Variants in PECAM1 observed in about 807,000 individuals in gnomAD.
PECAM1 encodes platelet and endothelial cell adhesion molecule 1.
A neutral mutation model predicts 13.8 loss-of-function variants in PECAM1; 8 were observed. That is an observed-to-expected ratio of 0.58 (90% confidence interval 0.34 to 1.05). PECAM1 has a LOEUF of 1.05. Ranked by LOEUF, PECAM1 falls within the 50% of genes least tolerant of loss-of-function variation. PECAM1 has a pLI of 0.03. For synonymous variants in PECAM1, 136 were observed against 52.6 expected (o/e 2.58, Z -6.86); for missense variants, 304 against 141.2 (o/e 2.15, Z -5.84).
At chr17:64,389,831 T>C (rs2036677571) in intron 2 of PECAM1, among the ~76,000 whole-genome samples, 1 of 152,150 alleles carries the variant, frequency 6.6e-6, no homozygotes, top group Non-Finnish European at 1.5e-5. Flanking sequence ...GCGGATCACC[T>C]GAGGTCAGGA....
chr17:64,333,676 A>C (rs1206308582), intron 14 of PECAM1, among the ~76,000 whole-genome samples: 6 of 147,852 alleles, frequency 4.1e-5, no homozygotes, highest in African/African-American at 1.2e-4. Context: ...TGTAAAAAGT[A>C]AAAAAAAAAG....
chr17:64,348,873 A>G (rs1341747592), intron 12 of PECAM1, among the ~76,000 whole-genome samples: 2 of 152,206 alleles, frequency 1.3e-5, no homozygotes, highest in Non-Finnish European at 2.9e-5. Flanking sequence ...CTCGGGGCCC[A>G]TGGTTTCCTC....
intron 14 of PECAM1, among the ~76,000 whole-genome samples, chr17:64,334,233 C>T (rs1298753977): frequency 6.6e-6 from 1 of 152,088 alleles, no homozygotes; most frequent in Non-Finnish European, 1.5e-5. Flanking sequence ...CCCGGGCCAG[C>T]GCCCAGCTCT....
At chr17:64,358,365 C>T (rs1007909876) in intron 7 of PECAM1, among the ~76,000 whole-genome samples, 1,556 of 152,176 alleles carry the variant, frequency 0.01, 42 homozygotes, top group African/African-American at 0.035. Context: ...GTGATCCACC[C>T]CATTCGGTCT....
intron 7 of PECAM1, among the ~76,000 whole-genome samples, chr17:64,359,373 T>C (rs985311334): frequency 2.8e-4 from 43 of 152,086 alleles, no homozygotes; most frequent in African/African-American, 1.0e-3. Context: ...ATATTTCTCT[T>C]GAGTATGATG....
chr17:64,321,654 A>T lies in PECAM1; in HGVS notation c.*2162T>A. 1.8e-6 allele frequency: 1 copy of T among 553,388 alleles called. No individual in the cohort carries two copies. 34.3% of individuals were successfully genotyped at this position (553,388 alleles called of 1,614,324 possible). On this transcript the variant is annotated 3_prime_UTR_variant, in exon 16 of 16. Coordinates refer to ENST00000563924, the MANE Select transcript of PECAM1 (RefSeq NM_000442.5). ...CTCACGCCTCTGGTCCCAGCTACCC[A>T]GGAAGCTGAGATGGGAGGATCGCTT...
chr17:64,374,511 T>C (rs1428485670), intron 4 of PECAM1, among the ~76,000 whole-genome samples: 13 of 141,858 alleles, frequency 9.2e-5, no homozygotes, highest in Non-Finnish European at 4.6e-5. Context: ...AAGGTTGGGG[T>C]GGTGGCTCAC....
At chr17:64,350,485 T>G (rs2143772213) in intron 11 of PECAM1, 52 bp from the exon 12 acceptor site, 1 of 412,936 alleles carries the variant, frequency 2.4e-6, no homozygotes, top group South Asian at 1.3e-4. Flanking sequence ...TCTAGTTTTC[T>G]AAAACCTTTT....
chr17:64,326,110 C>T (rs1215501289), intron 15 of PECAM1, among the ~76,000 whole-genome samples: 1 of 152,064 alleles, frequency 6.6e-6, no homozygotes, highest in East Asian at 1.9e-4. Flanking sequence ...TGGAAGGAGC[C>T]CTTGGAGGGA....
At chr17:64,327,438 C>G (rs2034987574) in intron 15 of PECAM1, among the ~76,000 whole-genome samples, 1 of 152,246 alleles carries the variant, frequency 6.6e-6, no homozygotes, top group Admixed American at 6.5e-5. Flanking sequence ...CAAAAGACAG[C>G]TGGAAAGCTG....
intron 2 of PECAM1, among the ~76,000 whole-genome samples, chr17:64,383,640 C>G (rs1266361161): frequency 6.6e-6 from 1 of 152,338 alleles, no homozygotes; most frequent in East Asian, 1.9e-4. Context: ...TCAGCACAAC[C>G]CTTGCGTGAG....
chr17:64,380,759 C>T (rs2036464449), intron 2 of PECAM1, among the ~76,000 whole-genome samples: 1 of 151,922 alleles, frequency 6.6e-6, no homozygotes, highest in African/African-American at 2.4e-5. Context: ...ACCTGTAATC[C>T]CAGCACTGTG....
intron 2 of PECAM1, among the ~76,000 whole-genome samples, chr17:64,380,347 T>TA (rs35012823): frequency 0.51 from 78,004 of 151,702 alleles, 20,159 homozygotes; most frequent in Middle Eastern, 0.6. Context: ...TAAATAAGTA[T>TA]AAAAAAGAGA....
intron 15 of PECAM1, among the ~76,000 whole-genome samples, chr17:64,325,035 G>T (rs1187757760): frequency 6.6e-6 from 1 of 152,250 alleles, no homozygotes; most frequent in Non-Finnish European, 1.5e-5. Flanking sequence ...ACAGCAATGT[G>T]AACGGACCTA....
intron 13 of PECAM1, among the ~76,000 whole-genome samples, chr17:64,345,116 T>A (rs1330296146): frequency 6.6e-6 from 1 of 152,190 alleles, no homozygotes; most frequent in African/African-American, 2.4e-5. Context: ...CCTCCCAAAG[T>A]GCTGGGATTA....
intron 2 of PECAM1, among the ~76,000 whole-genome samples, chr17:64,384,447 A>T (rs1243139014): frequency 1.3e-5 from 2 of 152,104 alleles, no homozygotes; most frequent in African/African-American, 4.8e-5. Context: ...GTCACCTCCC[A>T]CGTTAACATT....
chr17:64,334,816 CT>C (rs1359471302), intron 14 of PECAM1, among the ~76,000 whole-genome samples: 1 of 152,112 alleles, frequency 6.6e-6, no homozygotes, highest in East Asian at 1.9e-4. Context: ...CCTGGGCCCC[CT>C]GTTTTATTGG....
chr17:64,342,176 G>GAA (rs2035451102), intron 13 of PECAM1, among the ~76,000 whole-genome samples: 1 of 150,214 alleles, frequency 6.7e-6, no homozygotes, highest in Non-Finnish European at 1.5e-5. Flanking sequence ...AGAAGAAGAA[G>GAA]GTCTTGGTCT....
intron 15 of PECAM1, among the ~76,000 whole-genome samples, chr17:64,326,231 A>C (rs2034955335): frequency 6.6e-6 from 1 of 152,204 alleles, no homozygotes; most frequent in South Asian, 2.1e-4. Flanking sequence ...CTCCATGTGC[A>C]CAGGACACTC....
Sources: gnomAD v4.1 joint callset for allele counts (sites outside exome capture counted in the v4.1 genomes callset) on GRCh38, gnomAD v4.1.1 for gene constraint, MANE v1.5 for transcripts, NCBI Gene and HGNC (gene_info 2026-07-23, HGNC 2026-07-21) for gene names.